C13orf46: variants seen among roughly 807,000 people sequenced by gnomAD.
C13orf46 encodes chromosome 13 open reading frame 46, also known as uncharacterized protein C13orf46.
chr13:113,971,447 C>CGCAGA (rs1242793360), intron 1 of C13orf46, among the ~76,000 whole-genome samples: 1 of 152,218 alleles, frequency 6.6e-6, no homozygotes, highest in Non-Finnish European at 1.5e-5. Flanking sequence ...AGAGGTGGAG[C>CGCAGA]GCAGAGCCTT....
chr13:113,943,797 C>T, the C13orf46 span, among the ~76,000 whole-genome samples: 1 of 152,214 alleles, frequency 6.6e-6, no homozygotes, highest in Non-Finnish European at 1.5e-5. Context: ...GCAGCAGGGC[C>T]TGTGGCCAGG....
chr13:113,950,586 G>A (rs1333052292), downstream of C13orf46, among the ~76,000 whole-genome samples: 1 of 152,220 alleles, frequency 6.6e-6, no homozygotes, highest in South Asian at 2.1e-4. Flanking sequence ...TCCCTGAGGA[G>A]TTGCTTTCAC....
the C13orf46 span, among the ~76,000 whole-genome samples, chr13:113,946,406 C>T: frequency 6.6e-6 from 1 of 152,222 alleles, no homozygotes; most frequent in East Asian, 1.9e-4. Context: ...AACTGAAGGG[C>T]GTCCTGCAGG....
the C13orf46 span, chr13:113,927,710 A>C: frequency 2.5e-6 from 1 of 398,074 alleles, no homozygotes; most frequent in Admixed American, 4.4e-5. Flanking sequence ...ATCTGAATTC[A>C]CCAGCGTTTC....
At chr13:113,930,367 GGAGCACCGAGGCGGGGGCGCA>G in the C13orf46 span, among the ~76,000 whole-genome samples, 288 of 99,128 alleles carry the variant, frequency 2.9e-3, no homozygotes, top group African/African-American at 0.013. Context: ...TGGGGGCGCA[GGAGCACCGAGGCGGGGGCGCA>G]GGAGCACCGA....
At chr13:113,964,464 G>A (rs1375184905) in intron 6 of C13orf46, among the ~76,000 whole-genome samples, 1 of 152,188 alleles carries the variant, frequency 6.6e-6, no homozygotes, top group Admixed American at 6.5e-5. Context: ...CAGGGCCCGA[G>A]GCTTGTTGTG....
At chr13:113,959,598 A>C (rs2052571679) in intron 6 of C13orf46, among the ~76,000 whole-genome samples, 2 of 152,210 alleles carry the variant, frequency 1.3e-5, no homozygotes, top group African/African-American at 4.8e-5. Flanking sequence ...TTTAATGCAG[A>C]AATGGTCAAA....
the C13orf46 span, among the ~76,000 whole-genome samples, chr13:113,932,020 G>A: frequency 2.0e-5 from 3 of 151,944 alleles, no homozygotes; most frequent in Non-Finnish European, 4.4e-5. Context: ...TTCTGTCCTG[G>A]GTAACACAGC....
the C13orf46 span, among the ~76,000 whole-genome samples, chr13:113,930,376 A>T: frequency 1.0e-5 from 1 of 97,138 alleles, no homozygotes; most frequent in African/African-American, 5.0e-5. Flanking sequence ...AGGAGCACCG[A>T]GGCGGGGGCG....
In C13orf46 at chr13:113,956,289, G is replaced by C. The variant is rs1433565765; in HGVS notation, c.*484C>G. 1.3e-5 allele frequency: 2 copies of C among 156,000 alleles called. No individual in the cohort carries two copies. The highest frequency in any genetic ancestry group is 2.8e-5 in the Non-Finnish European group (2 of 70,942). 9.7% of individuals were successfully genotyped at this position (156,000 alleles called of 1,614,324 possible). A position where few individuals can be genotyped will look rare whatever the true frequency, so the allele number is the denominator to read the frequency against. On this transcript the variant is annotated 3_prime_UTR_variant, in exon 7 of 7. Transcript: ENST00000636427. ...CATCCGGTGGAGAGGAGGAGCATCT[G>C]GTGGAGACGAGGAGCATCTGGTGGA...
chr13:113,945,277 A>G, the C13orf46 span, among the ~76,000 whole-genome samples: 2 of 152,054 alleles, frequency 1.3e-5, no homozygotes, highest in Non-Finnish European at 2.9e-5. Context: ...GGTCCACTGA[A>G]ACCATCAGGT....
chr13:113,932,491 C>T, the C13orf46 span, among the ~76,000 whole-genome samples: 5 of 152,222 alleles, frequency 3.3e-5, no homozygotes, highest in Non-Finnish European at 5.9e-5. Context: ...TTGTCAGCAT[C>T]GTCTTGCGTG....
At chr13:113,935,222 G>A in the C13orf46 span, among the ~76,000 whole-genome samples, 1 of 152,222 alleles carries the variant, frequency 6.6e-6, no homozygotes, top group African/African-American at 2.4e-5. Context: ...TGGTCCCTGC[G>A]GCTGTGGCAG....
At chr13:113,943,649 G>C in the C13orf46 span, among the ~76,000 whole-genome samples, 1 of 152,200 alleles carries the variant, frequency 6.6e-6, no homozygotes, top group Non-Finnish European at 1.5e-5. Flanking sequence ...ACCACCTCTC[G>C]GGTTACATTT....
At chr13:113,939,762 C>T in the C13orf46 span, among the ~76,000 whole-genome samples, 2 of 152,312 alleles carry the variant, frequency 1.3e-5, no homozygotes, top group South Asian at 4.1e-4. Flanking sequence ...TGGGCCAGGG[C>T]ACTGACCTCT....
At chr13:113,972,512 G>A (rs371359987) in intron 1 of C13orf46, among the ~76,000 whole-genome samples, 4 of 152,286 alleles carry the variant, frequency 2.6e-5, no homozygotes, top group South Asian at 2.1e-4. Flanking sequence ...GGAGGGGAGC[G>A]CCAGCTCGCA....
chr13:113,942,338 T>G, the C13orf46 span, among the ~76,000 whole-genome samples: 42,543 of 151,792 alleles, frequency 0.28, 6,362 homozygotes, highest in Non-Finnish European at 0.31. Flanking sequence ...TCACCACGAG[T>G]CAAAGTCCAC....
the C13orf46 span, among the ~76,000 whole-genome samples, chr13:113,948,076 A>G: frequency 6.6e-6 from 1 of 152,252 alleles, no homozygotes. Context: ...GGGACTTCTC[A>G]TCGTTCCCAA....
intron 6 of C13orf46, among the ~76,000 whole-genome samples, chr13:113,964,236 G>C (rs1395635991): frequency 6.6e-6 from 1 of 152,242 alleles, no homozygotes; most frequent in Non-Finnish European, 1.5e-5. Flanking sequence ...TTAATTCTGA[G>C]TGGTAGGCAT....
Sources: allele counts gnomAD v4.1 joint callset (sites outside exome capture counted in the v4.1 genomes callset), GRCh38; gene constraint gnomAD v4.1.1; transcripts MANE v1.5; gene names NCBI Gene and HGNC (gene_info 2026-07-23, HGNC 2026-07-21).